EVA1C: variants seen among roughly 807,000 people sequenced by gnomAD.
EVA1C encodes the protein eva-1 homolog C.
Under a neutral mutation model 45.4 loss-of-function variants are expected in EVA1C, and 25 were observed. That is an observed-to-expected ratio of 0.55 (90% CI 0.40 to 0.77). The LOEUF (loss-of-function observed/expected upper bound fraction) is 0.77. Among genes scored for constraint, EVA1C ranks in the 30% least tolerant of loss-of-function variants. EVA1C has a pLI of 0.00. For synonymous variants in EVA1C, 190 were observed against 221.2 expected, an observed-to-expected ratio of 0.86 and a Z score of 1.25; for missense variants, 479 against 554.8, an observed-to-expected ratio of 0.86 and a Z score of 1.37.
chr21:32,495,641 A>C (rs1166343065), intron 5 of EVA1C, among the ~76,000 whole-genome samples: 1 of 152,220 alleles, frequency 6.6e-6, no homozygotes, highest in African/African-American at 2.4e-5. Context: ...GTGTTGAGTC[A>C]ACAGATCAAA....
chr21:32,434,093 A>T (rs1283840379), intron 1 of EVA1C, among the ~76,000 whole-genome samples: 2 of 151,918 alleles, frequency 1.3e-5, no homozygotes, highest in Non-Finnish European at 2.9e-5. Context: ...TCAGGAGTTC[A>T]AGACCAGCCT....
intron 1 of EVA1C, among the ~76,000 whole-genome samples, chr21:32,434,498 G>T (rs28677978): frequency 6.6e-6 from 1 of 151,404 alleles, no homozygotes; most frequent in Non-Finnish European, 1.5e-5. Flanking sequence ...GGCTGAGGCA[G>T]GAGAATGGCA....
chr21:32,452,558 A>G lies in EVA1C; in HGVS notation c.161-754A>G, dbSNP rs559203585. The G allele has an allele frequency of 2.6e-5, 4 of 152,394 alleles. No homozygotes were observed. The highest frequency in any genetic ancestry group is 9.6e-5 in the African/African-American group (4 of 41,578). The allele number at this position is 152,394 out of a possible 1,614,324, so 9.4% of individuals were successfully genotyped here. A position where few individuals can be genotyped will look rare whatever the true frequency, so the allele number is the denominator to read the frequency against. On this transcript the variant is annotated intron_variant, in intron 1 of 7. Transcript: ENST00000300255. The surrounding 1 kb of genome is among the most constrained non-coding windows in gnomAD (Gnocchi z 4.0). ...TGCCATCTGCAGGCGGCTTGTGTTA[A>G]TCAGCTCAATTAGACCCTCTGCCTT...
intron 5 of EVA1C, 130 bp downstream of exon 5, chr21:32,495,300 C>A: frequency 1.2e-6 from 1 of 852,200 alleles, no homozygotes; most frequent in African/African-American, 1.7e-5. Context: ...TTTGGTCATC[C>A]CAGATACCCG....
chr21:32,445,037 G>A (rs2035316662), intron 1 of EVA1C, among the ~76,000 whole-genome samples: 1 of 152,122 alleles, frequency 6.6e-6, no homozygotes, highest in Non-Finnish European at 1.5e-5. Flanking sequence ...GGGTTTATTT[G>A]CCAAAGTTAA....
Position 32,501,439 on chromosome 21 carries a change from T to C in EVA1C, c.803T>C (p.Ile268Thr), listed in dbSNP as rs200813543. 5.3e-5 allele frequency: 85 copies of C among 1,593,458 alleles called. No individual in the cohort carries two copies. The highest frequency in any genetic ancestry group is 6.4e-5 in the Non-Finnish European group (75 of 1,178,574). ...GTTCCCAAGAACATACTCACAGCGA[T>C]TGATCCAGCCATTGCTAATCTAAAA... ...ACVPKNILTA[I>T]DPAIANLKPS... Residue 268 changes from isoleucine (I) to threonine (T), a missense_variant, in exon 6 of 8, where the codon ATT (isoleucine) becomes ACT (threonine). Ile to Thr is a moderately conservative substitution (Grantham distance 89). Transcript: ENST00000300255.
chr21:32,477,936 C>T lies in EVA1C; in HGVS notation c.634+10088C>T, dbSNP rs1158049186. On this transcript the variant is annotated intron_variant, in intron 4 of 7. Coordinates refer to ENST00000300255, the MANE Select transcript of EVA1C (RefSeq NM_058187.5). ...GCCATACGCTCTCACCTCCCCCATA[C>T]GCTCTCACTCACCCTCACCTCTGCC... Among the ~76,000 whole-genome samples the T allele has an allele frequency of 3.3e-5, 4 of 121,098 alleles. 1 individual carries two copies. The highest frequency in any genetic ancestry group is 2.4e-4 in the East Asian group (1 of 4,232). 79.4% of individuals were successfully genotyped at this position (121,098 alleles called of 152,430 possible).
Position 32,412,777 on chromosome 21 carries a change from C to T in EVA1C, c.-77C>T, listed in dbSNP as rs1233636030. The T allele has an allele frequency of 7.8e-7, 1 of 1,274,736 alleles. No individual in the cohort carries two copies. Among genetic ancestry groups the T allele is most frequent in the Non-Finnish European group, 1.0e-6 (1 of 999,850 alleles). 79.0% of individuals were successfully genotyped at this position (1,274,736 alleles called of 1,614,324 possible). Reference sequence around the variant, plus strand: ...AGCCGCTGGCCATCGATTCTCCCCGCCATGTGACGCCGTCCTTAGCCCTGC... The same window carrying T: ...AGCCGCTGGCCATCGATTCTCCCCGTCATGTGACGCCGTCCTTAGCCCTGC... On this transcript the variant is annotated 5_prime_UTR_variant, in exon 1 of 8. Coordinates refer to ENST00000300255, the MANE Select transcript of EVA1C (RefSeq NM_058187.5).
chr21:32,510,280 C>G (rs564156756), intron 7 of EVA1C, among the ~76,000 whole-genome samples: 1 of 152,112 alleles, frequency 6.6e-6, no homozygotes, highest in East Asian at 1.9e-4. Flanking sequence ...ATCTCAAACT[C>G]CTGACCTCAA....
At chr21:32,468,142 T>A (rs1241200757) in intron 4 of EVA1C, 1 of 155,200 alleles carries the variant, frequency 6.4e-6, no homozygotes, top group Non-Finnish European at 1.4e-5. Flanking sequence ...GAGGCTGAGG[T>A]GGGTGGATCA....
intron 1 of EVA1C, among the ~76,000 whole-genome samples, chr21:32,439,726 G>T (rs1383319341): frequency 1.3e-5 from 2 of 151,830 alleles, no homozygotes; most frequent in Non-Finnish European, 2.9e-5. Flanking sequence ...TTGCTGCTTT[G>T]GGGGAACAAA....
Position 32,452,021 on chromosome 21 carries a change from T to C in EVA1C, c.161-1291T>C, listed in dbSNP as rs2035596775. On this transcript the variant is annotated intron_variant, in intron 1 of 7. Coordinates refer to ENST00000300255, the MANE Select transcript of EVA1C (RefSeq NM_058187.5). The surrounding 1 kb of genome is among the most constrained non-coding windows in gnomAD (Gnocchi z 4.0). The stretch of plus-strand genomic sequence containing the variant: ...CCTTCTCTACGCAGGGCACCCTGCC[T>C]GTCTTTCCTCTCCAGCAGCAAGACA... Among the ~76,000 whole-genome samples, 1 of 152,202 alleles carries C rather than the reference T, an allele frequency of 6.6e-6. No homozygotes were observed. The highest frequency in any genetic ancestry group is 1.5e-5 in the Non-Finnish European group (1 of 68,032).
rs2035827376 is a variant in EVA1C at position 32,457,458 on chromosome 21, T to C, written c.358-139T>C. 4.3e-5 allele frequency: 39 copies of C among 897,756 alleles called. No homozygotes were observed. The South Asian group carries it at 5.4e-4, about 12-fold the overall frequency. 55.6% of individuals were successfully genotyped at this position (897,756 alleles called of 1,614,324 possible). On this transcript the variant is annotated intron_variant, in intron 2 of 7. Transcript: ENST00000300255. ...GAGCTAACCCAATCACCCACGTCTA[T>C]GCTCTTTGGCCTTAGACACAGCTTG...
At chr21:32,416,845 G>A (rs146139891) in intron 1 of EVA1C, among the ~76,000 whole-genome samples, 205 of 152,334 alleles carry the variant, frequency 1.3e-3, no homozygotes, top group African/African-American at 4.6e-3. Context: ...AGTGGTGAAT[G>A]TGAGAAGTAG....
chr21:32,488,687 G>A (rs944458523), intron 4 of EVA1C, among the ~76,000 whole-genome samples: 2 of 151,908 alleles, frequency 1.3e-5, no homozygotes, highest in Admixed American at 1.3e-4. Flanking sequence ...CCCGGTTCAA[G>A]CAATTCTCCT....
chr21:32,422,044 C>CAAAAAAA (rs57794940), intron 1 of EVA1C, among the ~76,000 whole-genome samples: 3 of 92,318 alleles, frequency 3.2e-5, no homozygotes, highest in East Asian at 2.8e-4. Context: ...GACCCTGTCT[C>CAAAAAAA]AAAAAAAAAA....
chr21:32,514,655 G>A (rs1323874148), intron 7 of EVA1C, among the ~76,000 whole-genome samples, 159 bp from the exon 8 acceptor site: 1 of 152,178 alleles, frequency 6.6e-6, no homozygotes, highest in East Asian at 1.9e-4. Flanking sequence ...AAATGTCAGT[G>A]GGGATATATG....
intron 6 of EVA1C, among the ~76,000 whole-genome samples, chr21:32,502,225 A>G (rs538015332): frequency 2.6e-5 from 4 of 151,750 alleles, no homozygotes; most frequent in African/African-American, 9.7e-5. Flanking sequence ...CAGCCTCCCA[A>G]GTAGCAGGGA....
At position 32,478,245 on chromosome 21, in the gene EVA1C, G is replaced by A. The variant is rs574206627; in HGVS notation, c.634+10397G>A. 3.3e-5 allele frequency among the ~76,000 whole-genome samples: 5 copies of A among 151,798 alleles called. No homozygotes were observed. In the South Asian group the frequency reaches 6.3e-4, roughly 19 times the overall value. The stretch of plus-strand genomic sequence containing the variant: ...ATATATATATATTTTTTGAGACCAC[G>A]TCTCACTCTGTCGCCCAGGCTGGAG... On this transcript the variant is annotated intron_variant, in intron 4 of 7. Transcript: ENST00000300255.
Sources: allele counts gnomAD v4.1 joint callset (sites outside exome capture counted in the v4.1 genomes callset), GRCh38; gene constraint gnomAD v4.1.1; non-coding constraint Gnocchi (gnomAD v3.1); transcripts MANE v1.5; gene names NCBI Gene and HGNC (gene_info 2026-07-23, HGNC 2026-07-21).